CPLX2: variants seen among roughly 807,000 people sequenced by gnomAD.
CPLX2 encodes complexin 2, also known as complexin-2.
CPLX2 carries 5 observed loss-of-function variants against 16.3 expected under a neutral mutation model. The ratio of observed to expected loss-of-function variants is 0.31; its 90% CI spans 0.16 to 0.64. CPLX2 has a LOEUF of 0.64. Among genes scored for constraint, CPLX2 ranks in the 30% least tolerant of loss-of-function variants. CPLX2 has a pLI of 0.79. For missense variants in CPLX2, 144 were observed against 181.4 expected, an observed-to-expected ratio of 0.79 and a Z score of 1.18; for synonymous variants, 89 against 73.2, an observed-to-expected ratio of 1.22 and a Z score of -1.10.
intron 2 of CPLX2, among the ~76,000 whole-genome samples, chr5:175,811,581 ATTGAC>A (rs1339320468): frequency 6.6e-6 from 1 of 152,042 alleles, no homozygotes; most frequent in African/African-American, 2.4e-5. Flanking sequence ...CTTGGCTTGA[ATTGAC>A]TTGAGTTGTT....
intron 1 of CPLX2, 86 bp from the exon 2 acceptor site, chr5:175,878,566 A>G: frequency 2.9e-6 from 2 of 685,556 alleles, no homozygotes; most frequent in South Asian, 3.6e-5. Flanking sequence ...TGGTGTCTGA[A>G]CCAGGGTGAG....
At position 175,881,161 on chromosome 5, in the gene CPLX2, G is replaced by C. The variant is rs1755585487; in HGVS notation, c.*1116G>C. 1 of 153,178 alleles carries C rather than the reference G, an allele frequency of 6.5e-6. No individual in the cohort carries two copies. Among genetic ancestry groups the C allele is most frequent in the Admixed American group, 6.5e-5 (1 of 15,286 alleles). 9.5% of individuals were successfully genotyped at this position (153,178 alleles called of 1,614,324 possible). ...AGTCAGTTGTGTGGGGATGGTGAGG[G>C]AAGAGGGGTCACATGAGGGAGGAAA... On this transcript the variant is annotated 3_prime_UTR_variant, in exon 4 of 4. Transcript: ENST00000393745.
At chr5:175,836,358 T>TAAATA (rs113010011) in intron 2 of CPLX2, among the ~76,000 whole-genome samples, 52,503 of 150,734 alleles carry the variant, frequency 0.35, 9,169 homozygotes, top group Middle Eastern at 0.4. Context: ...TCAAAATAAA[T>TAAATA]AAATAAAATA....
intron 2 of CPLX2, among the ~76,000 whole-genome samples, chr5:175,823,819 C>G (rs1758556635): frequency 6.6e-6 from 1 of 152,150 alleles, no homozygotes; most frequent in South Asian, 2.1e-4. Flanking sequence ...ATCTCCCTCT[C>G]CCCTCCCTCC....
Position 175,830,783 on chromosome 5 carries a change from G to A in CPLX2, c.-89+21715G>A, listed in dbSNP as rs895012638. On this transcript the variant is annotated intron_variant, in intron 2 of 4. Coordinates refer to the CPLX2 transcript ENST00000359546. The surrounding 1 kb of genome is among the most constrained non-coding windows in gnomAD (Gnocchi z 4.0). The stretch of plus-strand genomic sequence containing the variant: ...CTCACCCCTGTGGGCTGGGGGCAGC[G>A]TTCACCCTGCTCACAGCTCAGCCAA... 4.6e-5 allele frequency among the ~76,000 whole-genome samples: 7 copies of A among 152,176 alleles called. No individual in the cohort carries two copies. Among genetic ancestry groups the A allele is most frequent in the South Asian group, 4.1e-4 (2 of 4,834 alleles).
chr5:175,842,641 C>T (rs1263572857), intron 2 of CPLX2, among the ~76,000 whole-genome samples: 2 of 152,240 alleles, frequency 1.3e-5, no homozygotes, highest in East Asian at 1.9e-4. Context: ...TCCCCTAATC[C>T]TCCTCCCCTG....
chr5:175,871,017 A>G (rs1178683289), upstream of CPLX2, among the ~76,000 whole-genome samples: 2 of 152,130 alleles, frequency 1.3e-5, no homozygotes, highest in Non-Finnish European at 2.9e-5. Flanking sequence ...CAAGAGGCAA[A>G]CCAACAGGTG....
intron 1 of CPLX2, among the ~76,000 whole-genome samples, chr5:175,799,106 A>G (rs978403901): frequency 1.3e-5 from 2 of 152,242 alleles, no homozygotes; most frequent in African/African-American, 4.8e-5. Flanking sequence ...AACACTCAAC[A>G]GGTTTTACCA....
chr5:175,839,197 T>C (rs1016954065), intron 2 of CPLX2, among the ~76,000 whole-genome samples: 1 of 152,226 alleles, frequency 6.6e-6, no homozygotes, highest in African/African-American at 2.4e-5. Context: ...ACATTCAGCT[T>C]TAAGCATGTT....
intron 2 of CPLX2, among the ~76,000 whole-genome samples, chr5:175,864,497 T>G (rs1207546471): frequency 2.0e-5 from 3 of 152,214 alleles, no homozygotes; most frequent in African/African-American, 4.8e-5. Context: ...ATTGACTGTT[T>G]GCGGGCATCT....
chr5:175,854,049 C>G (rs578092880), intron 2 of CPLX2, among the ~76,000 whole-genome samples: 1 of 152,312 alleles, frequency 6.6e-6, no homozygotes, highest in South Asian at 2.1e-4. Flanking sequence ...CAGTGCCTTG[C>G]TCTAGATCAC....
intron 2 of CPLX2, among the ~76,000 whole-genome samples, chr5:175,843,679 G>C (rs1758988871): frequency 6.6e-6 from 1 of 152,246 alleles, no homozygotes; most frequent in Non-Finnish European, 1.5e-5. Context: ...GTGAGTGAGG[G>C]AGCAGGCAGG....
At chr5:175,822,656 A>G (rs1277806785) in intron 2 of CPLX2, among the ~76,000 whole-genome samples, 1 of 152,150 alleles carries the variant, frequency 6.6e-6, no homozygotes, top group East Asian at 1.9e-4. Flanking sequence ...GCCATCCCCC[A>G]TGTTGGGCAG....
upstream of CPLX2, among the ~76,000 whole-genome samples, chr5:175,869,332 G>C (rs1168421187): frequency 6.6e-6 from 1 of 152,168 alleles, no homozygotes; most frequent in Non-Finnish European, 1.5e-5. Flanking sequence ...TTCAAAGGGG[G>C]CTTTAGCCAT....
At position 175,858,860 on chromosome 5, in the gene CPLX2, G is replaced by T. The variant is rs111512670; in HGVS notation, c.-88-19792G>T. Among the ~76,000 whole-genome samples, 78 of 152,318 alleles carry T rather than the reference G, an allele frequency of 5.1e-4. 1 individual carries two copies. Among genetic ancestry groups the T allele is most frequent in the Admixed American group, 1.1e-3 (17 of 15,288 alleles). ...GGGAGCCTGTTGATTGGTCTATGTG[G>T]GGCAGCCTCCTGGCCACAGGGCAGC... is the stretch of plus-strand genomic sequence containing the variant. On this transcript the variant is annotated intron_variant, in intron 2 of 4. Transcript: ENST00000359546.
chr5:175,799,349 C>T (rs1758045479), intron 1 of CPLX2, among the ~76,000 whole-genome samples: 1 of 151,642 alleles, frequency 6.6e-6, no homozygotes, highest in Non-Finnish European at 1.5e-5. Context: ...GAAAATGGCC[C>T]AAAGTTCCAT....
In CPLX2 at chr5:175,835,728, C is replaced by CTTT. The variant is rs71575283; in HGVS notation, c.-89+26686_-89+26688dup. On this transcript the variant is annotated intron_variant, in intron 2 of 4. Transcript: ENST00000359546. The stretch of plus-strand genomic sequence containing the variant: ...TTTTATTTATTTATTTATTTATTTA[C>CTTT]TTTTTTTTTTTTTTTTTTTTTTTTT... Among the ~76,000 whole-genome samples the CTTT allele has an allele frequency of 3.3e-4, 18 of 54,794 alleles. 2 individuals are homozygous for CTTT. The highest frequency in any genetic ancestry group is 1.4e-3 in the African/African-American group (17 of 11,912). 35.9% of individuals were successfully genotyped at this position (54,794 alleles called of 152,430 possible).
intron 1 of CPLX2, among the ~76,000 whole-genome samples, chr5:175,798,896 A>G (rs1758039051): frequency 6.6e-6 from 1 of 152,202 alleles, no homozygotes; most frequent in Non-Finnish European, 1.5e-5. Context: ...CATTTCATAC[A>G]GAGGGATTTT....
chr5:175,877,743 C>T (rs906660575), intron 1 of CPLX2, among the ~76,000 whole-genome samples: 1 of 152,194 alleles, frequency 6.6e-6, no homozygotes, highest in African/African-American at 2.4e-5. Context: ...CTTCCTCCCC[C>T]ACCACCTCCA....
Sources: gnomAD v4.1 joint callset for allele counts (sites outside exome capture counted in the v4.1 genomes callset) on GRCh38, gnomAD v4.1.1 for gene constraint, Gnocchi (gnomAD v3.1) non-coding constraint, MANE v1.5 for transcripts, NCBI Gene and HGNC (gene_info 2026-07-23, HGNC 2026-07-21) for gene names.